KCNT2: variants seen among roughly 807,000 people sequenced by gnomAD.
KCNT2 encodes the protein potassium channel subfamily T member 2.
A neutral mutation model predicts 153.8 loss-of-function variants in KCNT2; 67 were observed. The observed-to-expected ratio is 0.44, with a 90% confidence interval of 0.36 to 0.53. The LOEUF is 0.53. Ranked by LOEUF, KCNT2 falls within the 20% of genes least tolerant of loss-of-function variation. The pLI is 0.00. For synonymous variants in KCNT2, 500 were observed against 458.8 expected (o/e 1.09, Z -1.15); for missense variants, 975 against 1,354.8 (o/e 0.72, Z 4.40).
intron 1 of KCNT2, among the ~76,000 whole-genome samples, chr1:196,516,263 T>G (rs1342782220): frequency 1.3e-5 from 2 of 152,080 alleles, no homozygotes; most frequent in African/African-American, 4.8e-5. Flanking sequence ...CTTTGCTGTT[T>G]TATAACCTTA....
chr1:196,385,427 C>T (rs112160008), intron 13 of KCNT2, among the ~76,000 whole-genome samples: 9 of 152,198 alleles, frequency 5.9e-5, no homozygotes, highest in Middle Eastern at 6.8e-3. Context: ...GGAACCACCA[C>T]TGTGTATGCA....
chr1:196,356,420 T>C (rs941076028), intron 14 of KCNT2, among the ~76,000 whole-genome samples: 1 of 151,776 alleles, frequency 6.6e-6, no homozygotes, highest in African/African-American at 2.4e-5. Context: ...ATGATGATTA[T>C]TTATAAAATG....
chr1:196,412,084 T>C (rs1572361253), intron 12 of KCNT2, among the ~76,000 whole-genome samples: 1 of 151,832 alleles, frequency 6.6e-6, no homozygotes, highest in Non-Finnish European at 1.5e-5. Flanking sequence ...ATGTGTTCTA[T>C]AAATAATGAG....
At chr1:196,575,637 TA>T (rs2148961188) in intron 1 of KCNT2, among the ~76,000 whole-genome samples, 1 of 150,312 alleles carries the variant, frequency 6.7e-6, no homozygotes, top group African/African-American at 2.4e-5. Flanking sequence ...AGATTTGATA[TA>T]TTTATATATA....
chr1:196,573,716 G>A (rs180727744), intron 1 of KCNT2, among the ~76,000 whole-genome samples: 1 of 152,070 alleles, frequency 6.6e-6, no homozygotes, highest in African/African-American at 2.4e-5. Context: ...AGCTGAATGA[G>A]CTACCTCAGA....
intron 14 of KCNT2, among the ~76,000 whole-genome samples, chr1:196,343,939 C>T (rs865968580): frequency 6.6e-6 from 1 of 152,070 alleles, no homozygotes; most frequent in Non-Finnish European, 1.5e-5. Flanking sequence ...GCCACCATGC[C>T]CAGCTAATTT....
intron 6 of KCNT2, among the ~76,000 whole-genome samples, chr1:196,468,126 G>T (rs973045302): frequency 1.3e-5 from 2 of 151,984 alleles, no homozygotes; most frequent in Non-Finnish European, 2.9e-5. Flanking sequence ...GTATTAAGTA[G>T]GAACAAAGAG....
chr1:196,240,190 G>A (rs887103861), intron 26 of KCNT2, among the ~76,000 whole-genome samples: 10 of 151,872 alleles, frequency 6.6e-5, no homozygotes, highest in Non-Finnish European at 1.3e-4. Flanking sequence ...ATATCACTTA[G>A]AACAAAGGCT....
chr1:196,265,330 C>T (rs1657439472), intron 25 of KCNT2, among the ~76,000 whole-genome samples: 2 of 152,170 alleles, frequency 1.3e-5, no homozygotes, highest in South Asian at 2.1e-4. Context: ...ATTTATGCTG[C>T]ATTTGCTGAG....
At chr1:196,401,490 A>G (rs1010189731) in intron 12 of KCNT2, among the ~76,000 whole-genome samples, 6 of 151,860 alleles carry the variant, frequency 4.0e-5, no homozygotes, top group African/African-American at 1.4e-4. Context: ...AAAAAAGAAA[A>G]TTTCAGCAGA....
chr1:196,243,878 G>A lies in KCNT2; in HGVS notation c.3212-7808C>T, dbSNP rs537130853. ...TACCAGCTGGGATGGCCAAGGGAGT[G>A]CTTGTGCCACCCCTCCCCCAAACCC... On this transcript the variant is annotated intron_variant, in intron 26 of 27. Coordinates refer to ENST00000294725, the MANE Select transcript of KCNT2 (RefSeq NM_198503.5). Among the ~76,000 whole-genome samples, 15 of 152,198 alleles carry A rather than the reference G, an allele frequency of 9.9e-5. 1 individual carries two copies. The South Asian group carries it at 3.1e-3, about 32-fold the overall frequency.
intron 1 of KCNT2, among the ~76,000 whole-genome samples, chr1:196,548,168 T>C (rs1657373736): frequency 6.6e-6 from 1 of 152,044 alleles, no homozygotes; most frequent in Non-Finnish European, 1.5e-5. Flanking sequence ...ACTTCTGTGC[T>C]GAGTAGGTAA....
At chr1:196,486,482 T>C (rs1679430530) in intron 3 of KCNT2, among the ~76,000 whole-genome samples, 1 of 151,926 alleles carries the variant, frequency 6.6e-6, no homozygotes, top group Admixed American at 6.6e-5. Flanking sequence ...AACTTAGTAA[T>C]GTGGCCTCAG....
chr1:196,549,807 A>C (rs1657649374), intron 1 of KCNT2, among the ~76,000 whole-genome samples: 1 of 151,910 alleles, frequency 6.6e-6, no homozygotes, highest in Admixed American at 6.6e-5. Context: ...GTCTGAGTAT[A>C]ATGATGGAGG....
At chr1:196,423,826 G>T (rs748524751) in intron 11 of KCNT2, among the ~76,000 whole-genome samples, 5 of 151,700 alleles carry the variant, frequency 3.3e-5, no homozygotes, top group Admixed American at 2.6e-4. Context: ...TTGCACCATG[G>T]TTATTAAGAT....
intron 13 of KCNT2, among the ~76,000 whole-genome samples, chr1:196,381,694 C>T (rs752428395): frequency 6.6e-6 from 1 of 152,054 alleles, no homozygotes; most frequent in Non-Finnish European, 1.5e-5. Flanking sequence ...CTGTAGAAAC[C>T]ACTTAAAGAT....
rs536436447 is a variant in KCNT2 at position 196,517,730 on chromosome 1, A to C, written c.96-25389T>G. Among the ~76,000 whole-genome samples, 5 of 152,346 alleles carry C rather than the reference A, an allele frequency of 3.3e-5. No homozygotes were observed. The South Asian group carries it at 1.0e-3, about 32-fold the overall frequency. ...CTCAGACAAAAATAAAGAAAAAAAG[A>C]ATACAAAGAAATAAAACCTCCAAGA... On this transcript the variant is annotated intron_variant, in intron 1 of 27. Transcript: ENST00000294725.
chr1:196,529,893 A>G (rs1654721274), intron 1 of KCNT2, among the ~76,000 whole-genome samples: 1 of 152,058 alleles, frequency 6.6e-6, no homozygotes, highest in Non-Finnish European at 1.5e-5. Flanking sequence ...ATAACCTATG[A>G]TCTTTACTCT....
At chr1:196,357,023 T>A (rs1667230906) in intron 14 of KCNT2, among the ~76,000 whole-genome samples, 1 of 152,060 alleles carries the variant, frequency 6.6e-6, no homozygotes, top group African/African-American at 2.4e-5. Context: ...GACAGAGTCT[T>A]GATTTTCTAT....
Sources: gnomAD v4.1 joint callset for allele counts (sites outside exome capture counted in the v4.1 genomes callset) on GRCh38, gnomAD v4.1.1 for gene constraint, MANE v1.5 for transcripts, NCBI Gene and HGNC (gene_info 2026-07-23, HGNC 2026-07-21) for gene names.